Variants in AGBL4 observed in about 807,000 individuals in gnomAD.
The protein encoded by AGBL4 is AGBL carboxypeptidase 4, also known as cytosolic carboxypeptidase 6.
In AGBL4, 58 loss-of-function variants were observed where a neutral mutation model predicts 66.4. That is an observed-to-expected ratio of 0.87 (90% CI 0.71 to 1.09). AGBL4 has a LOEUF of 1.09. AGBL4 is among the 50% of genes least tolerant of loss of function. The pLI, the probability that AGBL4 is intolerant of heterozygous loss-of-function variation, is 0.00. For missense variants in AGBL4, 579 were observed against 631.0 expected, an observed-to-expected ratio of 0.92 and a Z score of 0.88; for synonymous variants, 234 against 222.9, an observed-to-expected ratio of 1.05 and a Z score of -0.44.
chr1:49,195,368 ATTTG>A (rs1647210316), intron 4 of AGBL4, among the ~76,000 whole-genome samples: 1 of 152,114 alleles, frequency 6.6e-6, no homozygotes, highest in Non-Finnish European at 1.5e-5. Context: ...GTCTCTCTGT[ATTTG>A]TTTGTCTAGA....
At chr1:49,224,478 A>G (rs1171106003) in intron 4 of AGBL4, among the ~76,000 whole-genome samples, 13 of 151,946 alleles carry the variant, frequency 8.6e-5, no homozygotes, top group Admixed American at 8.5e-4. Context: ...TTAGCCGGGC[A>G]TGGTGGTGGG....
At chr1:49,515,006 G>A (rs1276464472) in intron 3 of AGBL4, among the ~76,000 whole-genome samples, 9 of 150,932 alleles carry the variant, frequency 6.0e-5, no homozygotes, top group Admixed American at 3.3e-4. Flanking sequence ...AACACCAAAA[G>A]CAATGGCAAC....
chr1:49,741,308 G>C (rs1650440465), intron 2 of AGBL4, among the ~76,000 whole-genome samples: 1 of 152,078 alleles, frequency 6.6e-6, no homozygotes, highest in Non-Finnish European at 1.5e-5. Flanking sequence ...TAGAAGAAAT[G>C]GATAAATTCC....
chr1:49,180,210 T>A (rs1169105040), intron 4 of AGBL4, among the ~76,000 whole-genome samples: 1 of 152,198 alleles, frequency 6.6e-6, no homozygotes, highest in Non-Finnish European at 1.5e-5. Context: ...TTAACATCTT[T>A]AAATCTCAGC....
At chr1:49,543,462 A>C (rs1652226016) in intron 3 of AGBL4, among the ~76,000 whole-genome samples, 1 of 152,030 alleles carries the variant, frequency 6.6e-6, no homozygotes, top group Admixed American at 6.6e-5. Context: ...TCAGAGGAGA[A>C]AGTTTTAAGT....
intron 3 of AGBL4, among the ~76,000 whole-genome samples, chr1:49,669,996 C>T (rs547624564): frequency 3.3e-5 from 5 of 151,934 alleles, no homozygotes; most frequent in Non-Finnish European, 5.9e-5. Context: ...CAAGTATTAG[C>T]ATTTAAATGC....
chr1:49,978,502 A>G (rs893970583), intron 1 of AGBL4, among the ~76,000 whole-genome samples: 2 of 152,162 alleles, frequency 1.3e-5, no homozygotes, highest in Non-Finnish European at 2.9e-5. Context: ...AAACTGTGAA[A>G]CCCTAAATGC....
intron 1 of AGBL4, among the ~76,000 whole-genome samples, chr1:49,910,464 T>C (rs1650701644): frequency 6.6e-6 from 1 of 152,026 alleles, no homozygotes; most frequent in Non-Finnish European, 1.5e-5. Context: ...AGTGGTAATA[T>C]CAAGTACAGT....
At chr1:48,961,375 A>G (rs1657962832) in intron 5 of AGBL4, among the ~76,000 whole-genome samples, 1 of 152,208 alleles carries the variant, frequency 6.6e-6, no homozygotes, top group Non-Finnish European at 1.5e-5. Context: ...TGTTAGCTGA[A>G]TCAATACTTT....
At position 49,409,548 on chromosome 1, in the gene AGBL4, A is replaced by G. The variant is rs114040056; in HGVS notation, c.283-163684T>C. Among the ~76,000 whole-genome samples, 252 of 152,328 alleles carry G rather than the reference A, an allele frequency of 1.7e-3. 2 individuals are homozygous for G. Among genetic ancestry groups the G allele is most frequent in the African/African-American group, 5.8e-3 (242 of 41,592 alleles). ...AGAAGGCACAGCTGAAAAGTGAGGAAGAAAGGTGACAGAGCTACTTAGAGA... is the reference window on the plus strand; with the variant it reads ...AGAAGGCACAGCTGAAAAGTGAGGAGGAAAGGTGACAGAGCTACTTAGAGA... On this transcript the variant is annotated intron_variant, in intron 3 of 13. Coordinates refer to ENST00000371839, the MANE Select transcript of AGBL4 (RefSeq NM_032785.4).
At chr1:49,611,422 G>A (rs753404110) in intron 3 of AGBL4, among the ~76,000 whole-genome samples, 78 of 148,466 alleles carry the variant, frequency 5.3e-4, no homozygotes, top group Non-Finnish European at 5.5e-4. Context: ...TGTTGCCCAG[G>A]CTGGAGTGCA....
chr1:49,363,114 T>C (rs890385184), intron 3 of AGBL4, among the ~76,000 whole-genome samples: 1 of 152,080 alleles, frequency 6.6e-6, no homozygotes, highest in South Asian at 2.1e-4. Context: ...GAAAAGAATA[T>C]GAAGCGAGAA....
intron 3 of AGBL4, among the ~76,000 whole-genome samples, chr1:49,395,496 A>G (rs1247758860): frequency 6.6e-6 from 1 of 151,564 alleles, no homozygotes; most frequent in African/African-American, 2.4e-5. Context: ...GGTATGACAC[A>G]TATGTTGGAA....
At chr1:48,776,656 C>CG (rs1361801455) in intron 6 of AGBL4, 6 of 1,480,810 alleles carry the variant, frequency 4.1e-6, no homozygotes, top group African/African-American at 1.5e-5. Flanking sequence ...GCCCCAGTCG[C>CG]GGGGGGCGCG....
In AGBL4 at chr1:48,996,818, C is replaced by CCTTG. The variant is rs1396091506; in HGVS notation, c.594+48765_594+48766insCAAG. The stretch of plus-strand genomic sequence containing the variant: ...GGCCAAGGAATTTCCTTCCTTCCTC[C>CCTTG]CTTCCTTCCTTCCTTCCTTCCTTCC... On this transcript the variant is annotated intron_variant, in intron 5 of 13. Transcript: ENST00000371839. 6.9e-4 allele frequency among the ~76,000 whole-genome samples: 6 copies of CCTTG among 8,656 alleles called. No homozygotes were observed. The South Asian group carries it at 0.029, about 42-fold the overall frequency. The allele number at this position is 8,656 out of a possible 152,430, so 5.7% of individuals were successfully genotyped here.
chr1:49,782,048 C>A (rs1644349888), intron 2 of AGBL4, among the ~76,000 whole-genome samples: 1 of 151,358 alleles, frequency 6.6e-6, no homozygotes. Context: ...ATAAGCATCA[C>A]CTTATGAAAC....
intron 3 of AGBL4, among the ~76,000 whole-genome samples, chr1:49,660,233 C>T (rs1026841024): frequency 2.0e-5 from 3 of 151,896 alleles, no homozygotes; most frequent in African/African-American, 7.3e-5. Context: ...CTAGAATCTA[C>T]AAGGAACTCA....
At chr1:48,549,680 A>G (rs1276566486) in intron 11 of AGBL4, among the ~76,000 whole-genome samples, 3 of 152,138 alleles carry the variant, frequency 2.0e-5, no homozygotes, top group Non-Finnish European at 4.4e-5. Context: ...AGGCTGAGAG[A>G]GACTCAGGCT....
At chr1:48,646,513 A>ATGTG (rs61233999) in intron 8 of AGBL4, among the ~76,000 whole-genome samples, 15,211 of 131,296 alleles carry the variant, frequency 0.12, 1,068 homozygotes, top group Non-Finnish European at 0.15. Context: ...ACCAGTTATA[A>ATGTG]TGTGTGTGTG....
Sources: gnomAD v4.1 joint callset for allele counts (sites outside exome capture counted in the v4.1 genomes callset) on GRCh38, gnomAD v4.1.1 for gene constraint, MANE v1.5 for transcripts, NCBI Gene and HGNC (gene_info 2026-07-23, HGNC 2026-07-21) for gene names.